Variants in TMEM132D observed in about 807,000 individuals in gnomAD.
TMEM132D encodes the protein mature OL transmembrane protein.
Under a neutral mutation model 62.3 loss-of-function variants are expected in TMEM132D, and 21 were observed. That is an observed-to-expected ratio of 0.34 (90% CI 0.24 to 0.49). The LOEUF (loss-of-function observed/expected upper bound fraction) is 0.49. TMEM132D is among the 20% of genes least tolerant of loss of function. The pLI, the probability that TMEM132D is intolerant of heterozygous loss-of-function variation, is 0.99. For synonymous variants in TMEM132D, 621 were observed against 575.6 expected (o/e 1.08, Z -1.13); for missense variants, 1,346 against 1,402.8 (o/e 0.96, Z 0.65).
intron 1 of TMEM132D, among the ~76,000 whole-genome samples, chr12:129,755,404 CA>C (rs1444048218): frequency 1.3e-5 from 2 of 152,084 alleles, no homozygotes; most frequent in African/African-American, 4.8e-5. Context: ...TTTGACACTA[CA>C]AGGGGGATAG....
At chr12:129,517,147 G>A (rs961802911) in intron 3 of TMEM132D, among the ~76,000 whole-genome samples, 2 of 152,134 alleles carry the variant, frequency 1.3e-5, no homozygotes, top group African/African-American at 4.8e-5. Context: ...TGGGGTGAGG[G>A]TGAGGGTGGG....
intron 2 of TMEM132D, among the ~76,000 whole-genome samples, chr12:129,588,001 C>T (rs1371374163): frequency 6.6e-6 from 1 of 152,188 alleles, no homozygotes; most frequent in South Asian, 2.1e-4. Flanking sequence ...GGAAGAGCCA[C>T]TTCCTCACCC....
intron 2 of TMEM132D, among the ~76,000 whole-genome samples, chr12:129,679,132 GTTTT>G (rs901521503): frequency 6.6e-6 from 1 of 151,418 alleles, no homozygotes; most frequent in Non-Finnish European, 1.5e-5. Flanking sequence ...AAAAAACCTA[GTTTT>G]TTTTTTTGTT....
intron 5 of TMEM132D, among the ~76,000 whole-genome samples, chr12:129,192,842 T>G (rs1346685636): frequency 1.3e-5 from 2 of 152,184 alleles, no homozygotes; most frequent in Non-Finnish European, 2.9e-5. Context: ...TAAATCACTA[T>G]ATACAACACT....
At chr12:129,282,600 A>G (rs1055489758) in intron 4 of TMEM132D, among the ~76,000 whole-genome samples, 3 of 152,168 alleles carry the variant, frequency 2.0e-5, no homozygotes, top group African/African-American at 7.2e-5. Context: ...AACTGCACTG[A>G]GTTTATATTC....
At chr12:129,206,123 A>G (rs907160919) in intron 5 of TMEM132D, among the ~76,000 whole-genome samples, 3 of 152,218 alleles carry the variant, frequency 2.0e-5, no homozygotes, top group African/African-American at 4.8e-5. Flanking sequence ...TAAAGTTAAG[A>G]GCATCTGCAG....
At chr12:129,484,891 C>T (rs1593032356) in intron 3 of TMEM132D, among the ~76,000 whole-genome samples, 1 of 152,216 alleles carries the variant, frequency 6.6e-6, no homozygotes, top group South Asian at 2.1e-4. Context: ...AAAACAATGA[C>T]ATTTATGGGT....
intron 3 of TMEM132D, among the ~76,000 whole-genome samples, chr12:129,436,023 A>G (rs917509041): frequency 3.3e-5 from 5 of 152,090 alleles, no homozygotes; most frequent in Non-Finnish European, 4.4e-5. Flanking sequence ...AATATGGATG[A>G]CTCAACTGAC....
chr12:129,503,387 G>A (rs1186436088), intron 3 of TMEM132D, among the ~76,000 whole-genome samples: 1 of 152,142 alleles, frequency 6.6e-6, no homozygotes, highest in Non-Finnish European at 1.5e-5. Context: ...TTGTATCTTT[G>A]TTTAGGGGAC....
intron 4 of TMEM132D, among the ~76,000 whole-genome samples, chr12:129,297,398 T>C (rs908335229): frequency 6.6e-6 from 1 of 152,220 alleles, no homozygotes; most frequent in Non-Finnish European, 1.5e-5. Flanking sequence ...TCGGATCATT[T>C]AAGCAATACA....
At chr12:129,891,369 G>A (rs1309951057) in intron 1 of TMEM132D, among the ~76,000 whole-genome samples, 1 of 152,070 alleles carries the variant, frequency 6.6e-6, no homozygotes, top group Non-Finnish European at 1.5e-5. Flanking sequence ...GAGTTCTGGG[G>A]GCCTTGAGAG....
intron 2 of TMEM132D, among the ~76,000 whole-genome samples, 152 bp downstream of exon 2, chr12:129,699,656 GTC>G (rs1881326118): frequency 1.3e-5 from 2 of 152,186 alleles, no homozygotes; most frequent in African/African-American, 4.8e-5. Flanking sequence ...GATCAGACTG[GTC>G]TCTGTATTCC....
intron 2 of TMEM132D, among the ~76,000 whole-genome samples, chr12:129,592,451 G>A (rs1427312049): frequency 6.6e-6 from 1 of 152,138 alleles, no homozygotes; most frequent in Non-Finnish European, 1.5e-5. Flanking sequence ...TATAGAATTT[G>A]GCAATCTCTT....
chr12:129,495,474 A>G (rs539815421), intron 3 of TMEM132D, among the ~76,000 whole-genome samples: 4 of 152,242 alleles, frequency 2.6e-5, no homozygotes, highest in Non-Finnish European at 5.9e-5. Flanking sequence ...GCCATGCCCC[A>G]TACATTCACA....
chr12:129,171,216 T>G (rs969210158), intron 5 of TMEM132D, among the ~76,000 whole-genome samples: 1 of 152,208 alleles, frequency 6.6e-6, no homozygotes, highest in African/African-American at 2.4e-5. Flanking sequence ...AGAAACCACT[T>G]TCTTTGCTCA....
intron 2 of TMEM132D, among the ~76,000 whole-genome samples, chr12:129,566,439 G>GT (rs1299160768): frequency 2.6e-5 from 3 of 117,392 alleles, no homozygotes; most frequent in East Asian, 6.0e-4. Context: ...TATAAAAAGA[G>GT]GGGGGTCAGA....
chr12:129,568,246 C>T (rs1024745628), intron 2 of TMEM132D, among the ~76,000 whole-genome samples: 2 of 152,228 alleles, frequency 1.3e-5, no homozygotes, highest in African/African-American at 2.4e-5. Flanking sequence ...CTAAGGCAGG[C>T]ATTCCCTTGG....
intron 1 of TMEM132D, among the ~76,000 whole-genome samples, chr12:129,727,371 C>G (rs546825370): frequency 6.6e-6 from 1 of 152,276 alleles, no homozygotes; most frequent in East Asian, 1.9e-4. Context: ...TTTCATCCTT[C>G]TGTAAGGAGC....
Position 129,074,019 on chromosome 12 carries a change from G to C in TMEM132D, c.3156C>G (p.Ala1052=), listed in dbSNP as rs140672016. ...TGGGGTACTCGTCGTCTGAGGAGACGGCGGTGAAGGTGGTAAATTTTACCC... is the reference window on the plus strand; with the variant it reads ...TGGGGTACTCGTCGTCTGAGGAGACCGCGGTGAAGGTGGTAAATTTTACCC... ...RKRVKFTTFT[A]VSSDDEYPTR... Residue 1052 remains alanine, a synonymous_variant, in exon 9 of 9, where the codon GCC becomes GCG. Coordinates refer to ENST00000422113, the MANE Select transcript of TMEM132D (RefSeq NM_133448.3). The C allele has an allele frequency of 6.2e-7, 1 of 1,613,940 alleles. No individual in the cohort carries two copies. Among genetic ancestry groups the C allele is most frequent in the Non-Finnish European group, 8.5e-7 (1 of 1,179,922 alleles).
Sources: gnomAD v4.1 joint callset for allele counts (sites outside exome capture counted in the v4.1 genomes callset) on GRCh38, gnomAD v4.1.1 for gene constraint, MANE v1.5 for transcripts, NCBI Gene and HGNC (gene_info 2026-07-23, HGNC 2026-07-21) for gene names.